The following CADPS variants were observed in gnomAD, a reference collection of about 807,000 sequenced individuals.
CADPS encodes the protein calcium-dependent secretion activator 1.
In CADPS, 57 loss-of-function variants were observed where a neutral mutation model predicts 167.3. The observed-to-expected ratio is 0.34, with a 90% confidence interval of 0.28 to 0.42. CADPS has a LOEUF of 0.42. Ranked by LOEUF, CADPS falls within the 20% of genes least tolerant of loss-of-function variation. The pLI is 1.00. For missense variants in CADPS, 1,414 were observed against 1,738.1 expected (o/e 0.81, Z 3.32); for synonymous variants, 676 against 635.3 (o/e 1.06, Z -0.96).
intron 3 of CADPS, among the ~76,000 whole-genome samples, chr3:62,730,447 T>A (rs2077552808): frequency 6.6e-6 from 1 of 152,184 alleles, no homozygotes; most frequent in Non-Finnish European, 1.5e-5. Context: ...ACTGAGCTCC[T>A]CTCAGCCCCT....
At chr3:62,568,805 G>A (rs2080770196) in intron 9 of CADPS, among the ~76,000 whole-genome samples, 1 of 152,190 alleles carries the variant, frequency 6.6e-6, no homozygotes, top group Admixed American at 6.5e-5. Context: ...TGCTGGCCCT[G>A]TTCTTAACAT....
intron 20 of CADPS, 74 bp from the exon 21 acceptor site, chr3:62,491,554 C>CACAA (rs771226954): frequency 1.5e-6 from 1 of 663,754 alleles, no homozygotes; most frequent in Non-Finnish European, 2.4e-6. Context: ...CACACACACA[C>CACAA]ACAAACACAC....
chr3:62,723,523 C>A (rs2076190618), intron 3 of CADPS, among the ~76,000 whole-genome samples: 2 of 151,946 alleles, frequency 1.3e-5, no homozygotes, highest in African/African-American at 4.8e-5. Flanking sequence ...AAGTAGCTGT[C>A]AGAGGACTAC....
At chr3:62,783,900 A>G (rs1443475566) in intron 1 of CADPS, among the ~76,000 whole-genome samples, 1 of 152,230 alleles carries the variant, frequency 6.6e-6, no homozygotes, top group African/African-American at 2.4e-5. Context: ...ACACAAATGC[A>G]TACACGTGTG....
chr3:62,757,023 A>G (rs2084097537), intron 2 of CADPS, among the ~76,000 whole-genome samples: 1 of 152,194 alleles, frequency 6.6e-6, no homozygotes, highest in Admixed American at 6.5e-5. Context: ...TTTGGCTTTA[A>G]TGTGGAAAAG....
intron 6 of CADPS, among the ~76,000 whole-genome samples, chr3:62,609,019 G>A (rs948469958): frequency 6.6e-6 from 1 of 152,174 alleles, no homozygotes; most frequent in African/African-American, 2.4e-5. Context: ...ATAGACGTAA[G>A]CGAGGGTAGG....
At chr3:62,424,479 G>C (rs565449711) in intron 28 of CADPS, among the ~76,000 whole-genome samples, 45 of 152,118 alleles carry the variant, frequency 3.0e-4, no homozygotes, top group Non-Finnish European at 5.3e-4. Flanking sequence ...CACCGCGCCT[G>C]GCCTGATAAT....
intron 3 of CADPS, among the ~76,000 whole-genome samples, chr3:62,690,672 A>G (rs903675162): frequency 6.6e-6 from 1 of 151,894 alleles, no homozygotes; most frequent in Admixed American, 6.6e-5. Flanking sequence ...ATTGCTGTCC[A>G]GAAACCTAAA....
chr3:62,541,739 A>G (rs2075733622), intron 11 of CADPS, among the ~76,000 whole-genome samples: 2 of 152,084 alleles, frequency 1.3e-5, no homozygotes, highest in Non-Finnish European at 2.9e-5. Flanking sequence ...TCTGTCATCT[A>G]TGTTGTTCTT....
At chr3:62,629,015 A>C (rs541186067) in intron 6 of CADPS, among the ~76,000 whole-genome samples, 1 of 152,208 alleles carries the variant, frequency 6.6e-6, no homozygotes, top group East Asian at 1.9e-4. Context: ...TGCTTGGAGG[A>C]CTGCAATAGG....
intron 1 of CADPS, among the ~76,000 whole-genome samples, chr3:62,844,754 A>G (rs1301180814): frequency 2.0e-5 from 3 of 152,226 alleles, no homozygotes; most frequent in Admixed American, 2.0e-4. Context: ...TGTAAACTAG[A>G]GAAAGCAGTC....
At chr3:62,796,684 G>A (rs1012501225) in intron 1 of CADPS, among the ~76,000 whole-genome samples, 11 of 152,218 alleles carry the variant, frequency 7.2e-5, no homozygotes, top group Middle Eastern at 6.8e-3. Flanking sequence ...ACTCTGATTG[G>A]AAACCATTTC....
intron 8 of CADPS, among the ~76,000 whole-genome samples, chr3:62,574,138 C>A (rs568322687): frequency 2.0e-5 from 3 of 152,320 alleles, no homozygotes; most frequent in Non-Finnish European, 2.9e-5. Flanking sequence ...ACCACCTGGA[C>A]CATGACAGGA....
intron 9 of CADPS, among the ~76,000 whole-genome samples, chr3:62,564,849 C>A (rs113276602): frequency 6.6e-6 from 1 of 152,086 alleles, no homozygotes; most frequent in African/African-American, 2.4e-5. Flanking sequence ...TTGTAATCCA[C>A]CTGACTCAGC....
intron 26 of CADPS, among the ~76,000 whole-genome samples, chr3:62,461,064 G>T (rs757202226): frequency 9.2e-5 from 14 of 152,154 alleles, no homozygotes; most frequent in Non-Finnish European, 1.6e-4. Context: ...CTCTGCAGGG[G>T]CCCCAGGGTT....
chr3:62,536,701 C>A, intron 11 of CADPS, 120 bp from the exon 12 acceptor site: 4 of 914,582 alleles, frequency 4.4e-6, no homozygotes, highest in Middle Eastern at 2.3e-4. Context: ...TCCCCGTTGC[C>A]TCCCACCAAC....
Position 62,428,366 on chromosome 3 carries a change from AAAGAGAAGTAATC to A in CADPS, c.3777+9725_3777+9737del, listed in dbSNP as rs2053214898. Among the ~76,000 whole-genome samples the A allele has an allele frequency of 2.1e-5, 3 of 143,428 alleles. No individual in the cohort carries two copies. The South Asian group carries it at 6.8e-4, about 33-fold the overall frequency. 94.1% of individuals were successfully genotyped at this position (143,428 alleles called of 152,430 possible). ...CGGGTGGAACTATAAAAAGGAAAGG[AAAGAGAAGTAATC>A]AAGGGAGGCCAAAGTGGGAAGCTGT... On this transcript the variant is annotated intron_variant, in intron 28 of 29. Coordinates refer to ENST00000383710, the MANE Select transcript of CADPS (RefSeq NM_003716.4).
chr3:62,728,260 TC>T (rs1053614700), intron 3 of CADPS, among the ~76,000 whole-genome samples: 1 of 151,804 alleles, frequency 6.6e-6, no homozygotes, highest in Non-Finnish European at 1.5e-5. Flanking sequence ...CCATGTTCTT[TC>T]TACCATCTGG....
chr3:62,621,532 TG>T (rs1416025158), intron 6 of CADPS, among the ~76,000 whole-genome samples: 1 of 152,208 alleles, frequency 6.6e-6, no homozygotes, highest in East Asian at 1.9e-4. Context: ...TACATATTTA[TG>T]GGGTATAGTT....
Sources: gnomAD v4.1 joint callset for allele counts (sites outside exome capture counted in the v4.1 genomes callset) on GRCh38, gnomAD v4.1.1 for gene constraint, MANE v1.5 for transcripts, NCBI Gene and HGNC (gene_info 2026-07-23, HGNC 2026-07-21) for gene names.